Variants in TASP1 observed in about 807,000 individuals in gnomAD.
TASP1 encodes the protein taspase 1, also known as threonine aspartase 1.
In TASP1, 16 loss-of-function variants were observed where a neutral mutation model predicts 56.6. That is an observed-to-expected ratio of 0.28 (90% CI 0.19 to 0.43). The LOEUF (loss-of-function observed/expected upper bound fraction) is 0.43. Ranked by LOEUF, TASP1 falls within the 20% of genes least tolerant of loss-of-function variation. The pLI, the probability that TASP1 is intolerant of heterozygous loss-of-function variation, is 1.00. For missense variants in TASP1, 393 were observed against 511.6 expected (o/e 0.77, Z 2.24); for synonymous variants, 179 against 184.2 (o/e 0.97, Z 0.23).
intron 4 of TASP1, among the ~76,000 whole-genome samples, chr20:13,601,438 C>A (rs1400744515): frequency 2.6e-5 from 4 of 151,764 alleles, no homozygotes; most frequent in African/African-American, 9.7e-5. Flanking sequence ...ATTTGAGCAA[C>A]AAAATAAATA....
chr20:13,348,141 TC>T, the TASP1 span, among the ~76,000 whole-genome samples: 4 of 152,164 alleles, frequency 2.6e-5, no homozygotes, highest in Admixed American at 6.5e-5. Context: ...CAATGCATCA[TC>T]CAACCCAAAA....
chr20:13,176,137 G>A, the TASP1 span, among the ~76,000 whole-genome samples: 1 of 152,176 alleles, frequency 6.6e-6, no homozygotes, highest in Non-Finnish European at 1.5e-5. Flanking sequence ...AAGAAATAAG[G>A]AGATAGGAAA....
the TASP1 span, among the ~76,000 whole-genome samples, chr20:13,261,447 G>T: frequency 1.3e-5 from 2 of 150,808 alleles, no homozygotes; most frequent in South Asian, 4.2e-4. Context: ...AAAGAAAAAA[G>T]AAGCTCAAAG....
the TASP1 span, among the ~76,000 whole-genome samples, chr20:13,113,909 T>G: frequency 6.6e-6 from 1 of 152,212 alleles, no homozygotes; most frequent in Non-Finnish European, 1.5e-5. Context: ...GTCTACTCCT[T>G]GCTAAACATT....
intron 13 of TASP1, among the ~76,000 whole-genome samples, chr20:13,400,347 T>C (rs2041691761): frequency 6.6e-6 from 1 of 152,210 alleles, no homozygotes; most frequent in Non-Finnish European, 1.5e-5. Context: ...GCTTCCGTCT[T>C]AGTCAGTCAT....
At chr20:13,561,953 TATAAAC>T (rs1555789591) in intron 7 of TASP1, among the ~76,000 whole-genome samples, 2 of 152,044 alleles carry the variant, frequency 1.3e-5, no homozygotes, top group Non-Finnish European at 2.9e-5. Flanking sequence ...ATCTAAAAGA[TATAAAC>T]AGAACACTAT....
At position 13,564,464 on chromosome 20, in the gene TASP1, T is replaced by G. The variant is rs562374963; in HGVS notation, c.568+5043A>C. Among the ~76,000 whole-genome samples, 20 of 152,060 alleles carry G rather than the reference T, an allele frequency of 1.3e-4. No individual in the cohort carries two copies. The East Asian group carries it at 3.9e-3, about 29-fold the overall frequency. ...GTTAATAATGAAAAGACACCCAGGT[T>G]CATGAATTGGAAGCTTTAATATTGT... is the stretch of plus-strand genomic sequence containing the variant. On this transcript the variant is annotated intron_variant, in intron 7 of 13. Coordinates refer to ENST00000337743, the MANE Select transcript of TASP1 (RefSeq NM_017714.3).
At chr20:13,483,447 G>A in intron 10 of TASP1, 110 bp from the exon 11 acceptor site, 1 of 629,950 alleles carries the variant, frequency 1.6e-6, no homozygotes. Flanking sequence ...AGTTAGCTGG[G>A]AAAATAATTC....
At chr20:13,130,131 C>G in the TASP1 span, among the ~76,000 whole-genome samples, 1 of 152,212 alleles carries the variant, frequency 6.6e-6, no homozygotes, top group Non-Finnish European at 1.5e-5. Context: ...CAGTGAAAGT[C>G]ATACAGTGAA....
chr20:13,313,585 A>G, the TASP1 span, among the ~76,000 whole-genome samples: 1 of 152,140 alleles, frequency 6.6e-6, no homozygotes, highest in Admixed American at 6.6e-5. Context: ...AGACTGCCTG[A>G]TTTTGCAAAT....
chr20:13,180,246 T>G, the TASP1 span, among the ~76,000 whole-genome samples: 1 of 152,206 alleles, frequency 6.6e-6, no homozygotes, highest in East Asian at 1.9e-4. Context: ...CAATATGCTA[T>G]TAACACCACA....
chr20:13,253,992 C>T, the TASP1 span, among the ~76,000 whole-genome samples: 912 of 147,844 alleles, frequency 6.2e-3, 3 homozygotes, highest in South Asian at 0.011. Context: ...CCGAGGTGAG[C>T]GGATCACTTG....
intron 11 of TASP1, among the ~76,000 whole-genome samples, chr20:13,468,570 T>C (rs993452562): frequency 2.0e-4 from 31 of 152,208 alleles, no homozygotes; most frequent in African/African-American, 7.0e-4. Context: ...ATAATAATTA[T>C]GGATTTATTT....
chr20:13,112,974 G>A, the TASP1 span, among the ~76,000 whole-genome samples: 2 of 152,154 alleles, frequency 1.3e-5, no homozygotes, highest in Admixed American at 6.6e-5. Flanking sequence ...CTTGAGGTTA[G>A]GAGTTCGAGA....
At chr20:13,169,003 G>C in the TASP1 span, 1 of 144,480 alleles carries the variant, frequency 6.9e-6, no homozygotes, top group Non-Finnish European at 1.6e-5. Context: ...GAAGGACAGA[G>C]AGAAATGTAT....
At chr20:13,588,484 T>C (rs529674527) in intron 4 of TASP1, among the ~76,000 whole-genome samples, 67 of 152,286 alleles carry the variant, frequency 4.4e-4, no homozygotes, top group Non-Finnish European at 8.4e-4. Flanking sequence ...GGTTGCAGGA[T>C]ATGAGATTAA....
At chr20:13,530,305 T>C (rs2045172648) in intron 9 of TASP1, among the ~76,000 whole-genome samples, 3 of 152,180 alleles carry the variant, frequency 2.0e-5, no homozygotes, top group East Asian at 3.8e-4. Flanking sequence ...CTCAATATGG[T>C]AGACATTGGG....
chr20:13,470,092 G>A (rs1025303045), intron 11 of TASP1, among the ~76,000 whole-genome samples: 5 of 151,918 alleles, frequency 3.3e-5, no homozygotes, highest in African/African-American at 1.2e-4. Context: ...ATCATCCATT[G>A]TATCCAAGGG....
chr20:13,508,529 C>A (rs141406619), intron 10 of TASP1, among the ~76,000 whole-genome samples: 1 of 151,904 alleles, frequency 6.6e-6, no homozygotes, highest in African/African-American at 2.4e-5. Flanking sequence ...TGAAAAACTC[C>A]GAAATTCAAA....
Sources: allele counts gnomAD v4.1 joint callset (sites outside exome capture counted in the v4.1 genomes callset), GRCh38; gene constraint gnomAD v4.1.1; transcripts MANE v1.5; gene names NCBI Gene and HGNC (gene_info 2026-07-23, HGNC 2026-07-21).